Variants in PCIF1 observed in about 807,000 individuals in gnomAD.
PCIF1 encodes the protein phosphorylated CTD interacting factor 1, also known as mRNA (2'-O-methyladenosine-N(6)-)-methyltransferase.
Under a neutral mutation model 86.9 loss-of-function variants are expected in PCIF1, and 12 were observed. The ratio of observed to expected loss-of-function variants is 0.14; its 90% CI spans 0.09 to 0.22. PCIF1 has a LOEUF of 0.22. PCIF1 is among the 10% of genes least tolerant of loss of function. PCIF1 has a pLI of 1.00. For synonymous variants in PCIF1, 397 were observed against 372.0 expected, an observed-to-expected ratio of 1.07 and a Z score of -0.77; for missense variants, 701 against 951.1, an observed-to-expected ratio of 0.74 and a Z score of 3.46.
intron 1 of PCIF1, among the ~76,000 whole-genome samples, chr20:45,935,592 A>T (rs2083417644): frequency 6.6e-6 from 1 of 152,174 alleles, no homozygotes; most frequent in South Asian, 2.1e-4. Context: ...GGTCTGTCCA[A>T]CCCAGGGGCT....
In PCIF1 at chr20:45,939,367, C is replaced by T. The variant is rs191630384; in HGVS notation, c.249+28C>T. The T allele has an allele frequency of 6.8e-6, 11 of 1,611,612 alleles. No homozygotes were observed. The Admixed American group carries it at 1.7e-4, about 24-fold the overall frequency. On this transcript the variant is annotated intron_variant, in intron 4 of 16. Transcript: ENST00000372409. ...GAGTGCCAGCCTAGGGTGGGGGGGT[C>T]TCAGAGTGGCCTCTGGCACCTGGGC...
In PCIF1 at chr20:45,945,814, GAAC is replaced by G; in HGVS notation, c.1276_1278del (p.Asn426del). 1 of 1,613,874 alleles carries G rather than the reference GAAC, an allele frequency of 6.2e-7. No homozygotes were observed. Among genetic ancestry groups the G allele is most frequent in the Non-Finnish European group, 8.5e-7 (1 of 1,180,032 alleles). On this transcript the variant is annotated inframe_deletion, in exon 12 of 17. Coordinates refer to ENST00000372409, the MANE Select transcript of PCIF1 (RefSeq NM_022104.4). ...TGCCCAGCGTGGAGATGCACATGGA[GAAC>G]AACGTGGTCTGCATCCGGTATAAGG...
At chr20:45,934,829 C>T (rs188917429) in intron 1 of PCIF1, 25 bp downstream of exon 1, 1 of 398,030 alleles carries the variant, frequency 2.5e-6, no homozygotes, top group Admixed American at 4.4e-5. Flanking sequence ...AAGCCATGGT[C>T]CCGCAGCGAG....
chr20:45,940,426 T>A (rs1303388129), intron 4 of PCIF1, 49 bp from the exon 5 acceptor site: 1 of 1,540,518 alleles, frequency 6.5e-7, no homozygotes, highest in Non-Finnish European at 8.8e-7. Flanking sequence ...GTCCTGTGGC[T>A]CCTAAGCCGC....
intron 7 of PCIF1, 81 bp downstream of exon 7, chr20:45,941,288 T>A: frequency 1.3e-6 from 2 of 1,504,664 alleles, no homozygotes; most frequent in Non-Finnish European, 1.8e-6. Flanking sequence ...AGTTTGGGGA[T>A]GGCGGAGTGG....
rs372740628 is a variant in PCIF1, at chr20:45,946,104, C to T, written c.1417C>T (p.Arg473Ter). The T allele has an allele frequency of 2.5e-6, 4 of 1,614,130 alleles. No homozygotes were observed. Among genetic ancestry groups the T allele is most frequent in the Non-Finnish European group, 3.4e-6 (4 of 1,180,024 alleles). Residue 473 changes from arginine to a stop codon, truncating the protein, a stop_gained, in exon 13 of 17, where the codon CGA (arginine) becomes TGA (stop). Transcript: ENST00000372409. LOFTEE classifies it high-confidence loss of function. Reference protein sequence around the residue: ...RFLPRVWCLLRRYQMMFGVGL... With the variant: ...RFLPRVWCLL ...CCTGCCCCGGGTCTGGTGTCTTCTC[C>T]GACGGTACCAGGTACAGGCCTGGGG...
chr20:45,936,589 G>T (rs1877861774), intron 1 of PCIF1, among the ~76,000 whole-genome samples: 2 of 151,490 alleles, frequency 1.3e-5, no homozygotes, highest in Admixed American at 1.3e-4. Flanking sequence ...GGGCTCAAGT[G>T]ACCCTTCCAC....
Position 45,946,259 on chromosome 20 carries a change from T to A in PCIF1, c.1488T>A (p.His496Gln). ...GTGLQGSLPVHVFEALHRLFG... is the reference protein window; with the variant it reads ...GTGLQGSLPVQVFEALHRLFG... ...GCCTGCAGGGATCGCTGCCTGTGCA[T>A]GTCTTTGAGGCCCTCCACCGACTCT... The change falls in exon 14 of 17, where the codon CAT (histidine) becomes CAA (glutamine). Residue 496 changes from histidine to glutamine, a missense_variant. Around this residue, in one of 7 missense-constraint regions of PCIF1, gnomAD observed 61 missense variants for 118.5 expected, o/e 0.51. Transcript: ENST00000372409. 1 of 1,614,178 alleles carries A rather than the reference T, an allele frequency of 6.2e-7. No individual in the cohort carries two copies. The highest frequency in any genetic ancestry group is 8.5e-7 in the Non-Finnish European group (1 of 1,180,036).
At chr20:45,946,819 G>A (rs1326068776) in intron 14 of PCIF1, among the ~76,000 whole-genome samples, 1 of 152,214 alleles carries the variant, frequency 6.6e-6, no homozygotes, top group African/African-American at 2.4e-5. Context: ...AGCTTCTGCT[G>A]TGGTGGTGGT....
Position 45,937,535 on chromosome 20 carries a change from A to G in PCIF1, c.-70A>G, listed in dbSNP as rs1200508820. 5 of 398,950 alleles carry G rather than the reference A, an allele frequency of 1.3e-5. No individual in the cohort carries two copies. The highest frequency in any genetic ancestry group is 4.1e-5 in the African/African-American group (2 of 48,616). 24.7% of individuals were successfully genotyped at this position (398,950 alleles called of 1,614,324 possible). On this transcript the variant is annotated 5_prime_UTR_variant, in exon 2 of 17. Coordinates refer to ENST00000372409, the MANE Select transcript of PCIF1 (RefSeq NM_022104.4). Reference sequence around the variant, plus strand: ...CCTCTGTGGGACCCTGTGGGGGTCCATCCGGCTGGAGAAGAAAAGCCTCTC... The same window carrying G: ...CCTCTGTGGGACCCTGTGGGGGTCCGTCCGGCTGGAGAAGAAAAGCCTCTC...
chr20:45,943,579 G>T lies in PCIF1; in HGVS notation c.906-87G>T. ...GAACAAGGGCTGTGATGGAAGCTAGGGGTTGATACCCAGCGAGCCCATGGA... is the reference window on the plus strand; with the variant it reads ...GAACAAGGGCTGTGATGGAAGCTAGTGGTTGATACCCAGCGAGCCCATGGA... On this transcript the variant is annotated intron_variant, in intron 9 of 16. Transcript: ENST00000372409. This position sits in a 1 kb window ranked among gnomAD's most constrained non-coding sequence, Gnocchi z 5.5. 7.2e-7 allele frequency: 1 copy of T among 1,390,982 alleles called. No individual in the cohort carries two copies. The highest frequency in any genetic ancestry group is 1.3e-5 in the South Asian group (1 of 79,782). 86.2% of individuals were successfully genotyped at this position (1,390,982 alleles called of 1,614,324 possible). A position where few individuals can be genotyped will look rare whatever the true frequency, so the allele number is the denominator to read the frequency against.
At position 45,947,427 on chromosome 20, in the gene PCIF1, C is replaced by T. The variant is rs750354595; in HGVS notation, c.1872C>T (p.His624=). ...ATGAGTACCGCAGTGGCTCCCAGCA[C>T]ATCTGCAAGAAGTGGGTGCCAGGGA... The part of the protein sequence containing the change: ...FEHEYRSGSQ[H]ICKKEEMHYK... Residue 624 remains histidine, a synonymous_variant, in exon 16 of 17, where the codon CAC becomes CAT. Transcript: ENST00000372409. This position sits in a 1 kb window ranked among gnomAD's most constrained non-coding sequence, Gnocchi z 5.4. 1.2e-6 allele frequency: 2 copies of T among 1,613,936 alleles called. No homozygotes were observed. The highest frequency in any genetic ancestry group is 1.1e-5 in the South Asian group (1 of 91,090).
chr20:45,935,387 G>C (rs1259119029), intron 1 of PCIF1, among the ~76,000 whole-genome samples: 1 of 152,132 alleles, frequency 6.6e-6, no homozygotes, highest in Non-Finnish European at 1.5e-5. Context: ...TGGTTGCGCA[G>C]ATAGAGTTGT....
At chr20:45,936,089 A>T (rs962285815) in intron 1 of PCIF1, among the ~76,000 whole-genome samples, 2 of 152,168 alleles carry the variant, frequency 1.3e-5, no homozygotes, top group Admixed American at 1.3e-4. Context: ...TTGCTGTGGG[A>T]GGCTTGGGAT....
intron 14 of PCIF1, 84 bp from the exon 15 acceptor site, chr20:45,946,989 C>G: frequency 3.5e-6 from 4 of 1,153,098 alleles, no homozygotes; most frequent in Non-Finnish European, 5.1e-6. Flanking sequence ...TTCAGTGTGG[C>G]TGCCTAGGGT....
In PCIF1 at chr20:45,945,895, G is replaced by T. The variant is rs375678525; in HGVS notation, c.1341+12G>T. The T allele has an allele frequency of 5.1e-5, 82 of 1,613,542 alleles. No homozygotes were observed. The South Asian group carries it at 6.0e-4, about 12-fold the overall frequency. On this transcript the variant is annotated intron_variant, in intron 12 of 16. Transcript: ENST00000372409. ...ACTTCAGCAAGCTGGTAAGAGCTGC[G>T]GGGAGGAAGGCCCTAGCTGATGGCA...
At chr20:45,935,137 G>GGCGC (rs975443190) in intron 1 of PCIF1, among the ~76,000 whole-genome samples, 12 of 150,612 alleles carry the variant, frequency 8.0e-5, no homozygotes, top group Non-Finnish European at 8.9e-5. Flanking sequence ...GAGATGGGCC[G>GGCGC]GCGCGCGCGC....
At chr20:45,937,395 C>CT (rs1214017808) in intron 1 of PCIF1, 23 bp from the exon 2 acceptor site, 3 of 399,468 alleles carry the variant, frequency 7.5e-6, no homozygotes, top group Non-Finnish European at 8.8e-6. Context: ...AGGTCTGTGA[C>CT]TGTTTTCCTA....
chr20:45,947,001 G>A lies in PCIF1; in HGVS notation c.1614-72G>A. 1 of 1,305,492 alleles carries A rather than the reference G, an allele frequency of 7.7e-7. No homozygotes were observed. The highest frequency in any genetic ancestry group is 1.1e-6 in the Non-Finnish European group (1 of 924,280). 80.9% of individuals were successfully genotyped at this position (1,305,492 alleles called of 1,614,324 possible). Reference sequence around the variant, plus strand: ...CTCTTCAGTGTGGCTGCCTAGGGTTGGGGGGTGGCACCTGTTTCTGGTTGA... The same window carrying A: ...CTCTTCAGTGTGGCTGCCTAGGGTTAGGGGGTGGCACCTGTTTCTGGTTGA... On this transcript the variant is annotated intron_variant, in intron 14 of 16. Transcript: ENST00000372409. The surrounding 1 kb of genome is among the most constrained non-coding windows in gnomAD (Gnocchi z 5.4).
Sources: gnomAD v4.1 joint callset for allele counts (sites outside exome capture counted in the v4.1 genomes callset) on GRCh38, gnomAD v4.1.1 for gene constraint, gnomAD v4.1.1 regional missense constraint, Gnocchi (gnomAD v3.1) non-coding constraint, MANE v1.5 for transcripts, NCBI Gene and HGNC (gene_info 2026-07-23, HGNC 2026-07-21) for gene names.